ANGPT1: variants seen among roughly 807,000 people sequenced by gnomAD.
The protein encoded by ANGPT1 is angiopoietin-1.
In ANGPT1, 17 loss-of-function variants were observed where a neutral mutation model predicts 62.2. That is an observed-to-expected ratio of 0.27 (90% CI 0.19 to 0.41). The LOEUF is 0.41. ANGPT1 is among the 10% of genes least tolerant of loss of function. The pLI, the probability that ANGPT1 is intolerant of heterozygous loss-of-function variation, is 1.00. For missense variants in ANGPT1, 478 were observed against 594.9 expected (o/e 0.80, Z 2.04); for synonymous variants, 199 against 198.9 (o/e 1.00, Z 0.00).
intron 5 of ANGPT1, among the ~76,000 whole-genome samples, chr8:107,299,982 G>T (rs114502479): frequency 0.037 from 5,035 of 135,282 alleles, 246 homozygotes; most frequent in African/African-American, 0.093. Context: ...GTTATATCTA[G>T]ATATCTAGAT....
At chr8:107,407,967 C>G (rs557827006) in intron 1 of ANGPT1, among the ~76,000 whole-genome samples, 7 of 152,194 alleles carry the variant, frequency 4.6e-5, no homozygotes, top group South Asian at 2.1e-4. Flanking sequence ...GCTGCAGCCT[C>G]TCTTTTATTT....
At chr8:107,259,015 T>C (rs773784030) in intron 8 of ANGPT1, among the ~76,000 whole-genome samples, 3 of 152,160 alleles carry the variant, frequency 2.0e-5, no homozygotes, top group Non-Finnish European at 4.4e-5. Context: ...GATACAGTAG[T>C]GGACAGCATA....
At chr8:107,370,407 A>AGAAAGAAAGAAAGAAAGAAAGAAAGAAAG (rs149930759) in intron 1 of ANGPT1, among the ~76,000 whole-genome samples, 2 of 71,940 alleles carry the variant, frequency 2.8e-5, no homozygotes, top group African/African-American at 9.5e-5. Context: ...AAAGAAAGAA[A>AGAAAGAAAGAAAGAAAGAAAGAAAGAAAG]GAGTCAGGGT....
intron 1 of ANGPT1, among the ~76,000 whole-genome samples, chr8:107,361,811 C>T (rs1389410452): frequency 2.6e-5 from 4 of 152,026 alleles, no homozygotes; most frequent in African/African-American, 9.7e-5. Flanking sequence ...GTAATCCCAG[C>T]ATTTTGGAAG....
intron 2 of ANGPT1, among the ~76,000 whole-genome samples, chr8:107,344,186 T>A (rs1815755440): frequency 6.6e-6 from 1 of 152,164 alleles, no homozygotes; most frequent in South Asian, 2.1e-4. Context: ...AAGCATGGAT[T>A]ATTAGAGGCA....
At chr8:107,318,201 A>T (rs1347091413) in intron 4 of ANGPT1, among the ~76,000 whole-genome samples, 1 of 152,244 alleles carries the variant, frequency 6.6e-6, no homozygotes, top group Non-Finnish European at 1.5e-5. Context: ...TGTGTTACTC[A>T]GAAGCCTTAC....
intron 4 of ANGPT1, among the ~76,000 whole-genome samples, chr8:107,313,465 A>C (rs1176364712): frequency 9.1e-6 from 1 of 109,800 alleles, no homozygotes; most frequent in African/African-American, 3.7e-5. Context: ...TTTGAGACAG[A>C]GTCTTGCTCT....
At chr8:107,265,652 T>C (rs1272284870) in intron 7 of ANGPT1, among the ~76,000 whole-genome samples, 2 of 152,142 alleles carry the variant, frequency 1.3e-5, no homozygotes, top group African/African-American at 2.4e-5. Flanking sequence ...CAAATTCATA[T>C]AGGTCACCAC....
At chr8:107,321,774 C>T (rs1815154737) in intron 4 of ANGPT1, 122 bp downstream of exon 4, 1 of 725,756 alleles carries the variant, frequency 1.4e-6, no homozygotes, top group African/African-American at 1.8e-5. Context: ...TGATTCTAAC[C>T]ATAAAGTTCT....
intron 7 of ANGPT1, among the ~76,000 whole-genome samples, chr8:107,279,242 A>T (rs1041546727): frequency 1.3e-5 from 2 of 152,220 alleles, no homozygotes; most frequent in East Asian, 1.9e-4. Flanking sequence ...AAAGGTAATA[A>T]AAATAGTGAT....
chr8:107,434,732 C>A (rs1476536513), intron 1 of ANGPT1, among the ~76,000 whole-genome samples: 2 of 152,164 alleles, frequency 1.3e-5, no homozygotes, highest in Admixed American at 6.5e-5. Flanking sequence ...CTCATGGCTT[C>A]TATTTTTGAT....
At chr8:107,377,969 A>T (rs898642189) in intron 1 of ANGPT1, among the ~76,000 whole-genome samples, 1 of 152,220 alleles carries the variant, frequency 6.6e-6, no homozygotes, top group African/African-American at 2.4e-5. Flanking sequence ...TTGCACTGGC[A>T]TACACTGCAG....
At chr8:107,488,486 C>G (rs193248739) in intron 1 of ANGPT1, among the ~76,000 whole-genome samples, 18 of 152,008 alleles carry the variant, frequency 1.2e-4, no homozygotes, top group African/African-American at 4.1e-4. Flanking sequence ...TAAACTTCTG[C>G]GGAATAATTC....
intron 1 of ANGPT1, among the ~76,000 whole-genome samples, chr8:107,401,331 A>G (rs183297098): frequency 1.3e-5 from 2 of 151,676 alleles, no homozygotes; most frequent in African/African-American, 4.8e-5. Context: ...ATATTTTTTT[A>G]AAGTGTAACA....
At chr8:107,356,268 A>G (rs1816043019) in intron 1 of ANGPT1, among the ~76,000 whole-genome samples, 1 of 152,184 alleles carries the variant, frequency 6.6e-6, no homozygotes, top group Non-Finnish European at 1.5e-5. Flanking sequence ...ATCAAGTAAA[A>G]TCCATGAAAC....
chr8:107,328,155 A>G (rs558244606), intron 3 of ANGPT1, among the ~76,000 whole-genome samples: 19 of 152,186 alleles, frequency 1.2e-4, no homozygotes, highest in African/African-American at 4.1e-4. Context: ...GTCTGAATCT[A>G]TTTACAGATG....
Position 107,293,938 on chromosome 8 carries a change from T to C in ANGPT1, c.1036A>G (p.Met346Val). Residue 346 changes from methionine to valine, a missense_variant and splice_region_variant, in exon 6 of 9, where the codon ATG (methionine) becomes GTG (valine). Physicochemically the swap from Met to Val is conservative, Grantham distance 21. Coordinates refer to ENST00000517746, the MANE Select transcript of ANGPT1 (RefSeq NM_001146.5). ...DFQRGWKEYKMGFGNPSGEYW... is the reference protein window; with the variant it reads ...DFQRGWKEYKVGFGNPSGEYW... Reference sequence around the variant, plus strand: ...CACCATAAATTCTTGCATCTTACCATTTTATATTCCTTCCAGCCTCTTTGG... The same window carrying C: ...CACCATAAATTCTTGCATCTTACCACTTTATATTCCTTCCAGCCTCTTTGG... The C allele has an allele frequency of 1.2e-6, 2 of 1,611,448 alleles. No individual in the cohort carries two copies. The highest frequency in any genetic ancestry group is 1.7e-6 in the Non-Finnish European group (2 of 1,178,588).
At chr8:107,477,858 A>G (rs1416873695) in intron 1 of ANGPT1, among the ~76,000 whole-genome samples, 1 of 152,150 alleles carries the variant, frequency 6.6e-6, no homozygotes, top group African/African-American at 2.4e-5. Flanking sequence ...TTTCTCTGTA[A>G]TTCACCGTTT....
At chr8:107,295,617 C>T (rs1814394379) in intron 5 of ANGPT1, 1 of 151,990 alleles carries the variant, frequency 6.6e-6, no homozygotes, top group Non-Finnish European at 1.5e-5. Flanking sequence ...AGACAATAAT[C>T]TAAATGAGAA....
Sources: gnomAD v4.1 joint callset for allele counts (sites outside exome capture counted in the v4.1 genomes callset) on GRCh38, gnomAD v4.1.1 for gene constraint, MANE v1.5 for transcripts, NCBI Gene and HGNC (gene_info 2026-07-23, HGNC 2026-07-21) for gene names.